Variants in CDK14 observed in about 807,000 individuals in gnomAD.
CDK14 encodes the protein cyclin-dependent kinase 14.
CDK14 carries 34 observed loss-of-function variants against 60.7 expected under a neutral mutation model. The ratio of observed to expected loss-of-function variants is 0.56; its 90% CI spans 0.43 to 0.75. The LOEUF (loss-of-function observed/expected upper bound fraction) is 0.75. Ranked by LOEUF, CDK14 falls within the 30% of genes least tolerant of loss-of-function variation. CDK14 has a pLI of 0.00. For missense variants in CDK14, 482 were observed against 564.1 expected, an observed-to-expected ratio of 0.85 and a Z score of 1.47; for synonymous variants, 197 against 203.7, an observed-to-expected ratio of 0.97 and a Z score of 0.28.
chr7:90,981,008 A>G (rs900222008), intron 9 of CDK14, among the ~76,000 whole-genome samples: 1 of 152,178 alleles, frequency 6.6e-6, no homozygotes, highest in Non-Finnish European at 1.5e-5. Context: ...GCTTCTGCTG[A>G]GGCTCTTCAC....
chr7:90,711,901 T>C (rs1802077167), intron 2 of CDK14, among the ~76,000 whole-genome samples: 1 of 149,032 alleles, frequency 6.7e-6, no homozygotes, highest in Non-Finnish European at 1.5e-5. Flanking sequence ...TTTTTTTTTT[T>C]CAATTGAGCC....
intron 2 of CDK14, among the ~76,000 whole-genome samples, chr7:90,639,070 G>T (rs1800244154): frequency 6.6e-6 from 1 of 152,076 alleles, no homozygotes; most frequent in Non-Finnish European, 1.5e-5. Context: ...TTTGCCTTTG[G>T]TTTGAATTTC....
intron 14 of CDK14, among the ~76,000 whole-genome samples, chr7:91,156,240 G>T (rs932215449): frequency 2.0e-5 from 3 of 152,036 alleles, no homozygotes; most frequent in Admixed American, 1.3e-4. Flanking sequence ...TTTCCCTATA[G>T]ACCTGGTCTA....
rs1799717845 is a variant in CDK14, at chr7:90,619,283, A to C, written c.123+15034A>C. Among the ~76,000 whole-genome samples the C allele has an allele frequency of 2.0e-5, 3 of 152,218 alleles. No individual in the cohort carries two copies. In the South Asian group the frequency reaches 6.2e-4, roughly 31 times the overall value. ...CAATATTGATTGAATGATATTTAAC[A>C]TCTCTAGTGCTTTTAAGCCCATTTC... On this transcript the variant is annotated intron_variant, in intron 2 of 14. Coordinates refer to ENST00000380050, the MANE Select transcript of CDK14 (RefSeq NM_001287135.2).
intron 14 of CDK14, among the ~76,000 whole-genome samples, chr7:91,201,947 G>A (rs192822490): frequency 1.5e-4 from 23 of 152,250 alleles, no homozygotes; most frequent in African/African-American, 4.6e-4. Context: ...GGGTGCCTGC[G>A]CAGGCAGTAC....
intron 2 of CDK14, among the ~76,000 whole-genome samples, chr7:90,639,933 A>G (rs1447660861): frequency 6.6e-6 from 1 of 152,008 alleles, no homozygotes; most frequent in Non-Finnish European, 1.5e-5. Context: ...CAGGTGCGGG[A>G]TATAGTCTCC....
chr7:90,614,961 C>T (rs759004094), intron 2 of CDK14, among the ~76,000 whole-genome samples: 10 of 151,884 alleles, frequency 6.6e-5, no homozygotes, highest in Non-Finnish European at 1.0e-4. Flanking sequence ...CAGGTATTAG[C>T]AAAAAATTAT....
chr7:90,657,939 T>G (rs1800784349), intron 2 of CDK14, among the ~76,000 whole-genome samples: 1 of 152,222 alleles, frequency 6.6e-6, no homozygotes, highest in African/African-American at 2.4e-5. Flanking sequence ...TCTTTGCTCC[T>G]TCTGTTTTGC....
chr7:90,664,868 A>C (rs1800942310), intron 2 of CDK14, among the ~76,000 whole-genome samples: 1 of 152,148 alleles, frequency 6.6e-6, no homozygotes, highest in South Asian at 2.1e-4. Flanking sequence ...GCAGCACACC[A>C]ACATGGCACG....
chr7:91,199,646 T>C (rs180827175), intron 14 of CDK14, among the ~76,000 whole-genome samples: 23 of 152,226 alleles, frequency 1.5e-4, no homozygotes, highest in Admixed American at 1.2e-3. Context: ...GTTAAGTCAG[T>C]CTTCTCATGT....
chr7:91,159,162 A>G (rs1198434189), intron 14 of CDK14, among the ~76,000 whole-genome samples: 19 of 152,248 alleles, frequency 1.2e-4, no homozygotes, highest in Non-Finnish European at 1.5e-5. Context: ...AACAGAGAAC[A>G]TGCTGGCTTG....
intron 8 of CDK14, among the ~76,000 whole-genome samples, chr7:90,944,010 C>A (rs113224661): frequency 3.2e-4 from 48 of 152,258 alleles, no homozygotes; most frequent in African/African-American, 1.1e-3. Context: ...TCTCAGGGAA[C>A]TGGAATAGTT....
At chr7:91,138,224 A>G (rs564101713) in intron 14 of CDK14, among the ~76,000 whole-genome samples, 1 of 152,216 alleles carries the variant, frequency 6.6e-6, no homozygotes, top group Non-Finnish European at 1.5e-5. Context: ...ATTCTGTATG[A>G]AGGCTTTATC....
chr7:90,636,877 C>G (rs932747126), intron 2 of CDK14, among the ~76,000 whole-genome samples: 1 of 151,720 alleles, frequency 6.6e-6, no homozygotes, highest in Non-Finnish European at 1.5e-5. Context: ...GTGTATGTGT[C>G]GAGGAATTTA....
intron 6 of CDK14, among the ~76,000 whole-genome samples, chr7:90,865,984 A>G (rs1175359682): frequency 2.0e-5 from 3 of 152,148 alleles, no homozygotes; most frequent in African/African-American, 4.8e-5. Flanking sequence ...AGAGGAAAAG[A>G]AAACTTTCTT....
At chr7:90,605,792 TATG>T (rs1365194537) in intron 2 of CDK14, among the ~76,000 whole-genome samples, 4 of 152,254 alleles carry the variant, frequency 2.6e-5, no homozygotes, top group East Asian at 3.8e-4. Context: ...TTTTCTTTGA[TATG>T]ATAACATTAT....
At chr7:91,103,493 A>G (rs1799200198) in intron 12 of CDK14, among the ~76,000 whole-genome samples, 1 of 152,124 alleles carries the variant, frequency 6.6e-6, no homozygotes, top group Non-Finnish European at 1.5e-5. Context: ...TTCAAGGTTG[A>G]GTGGAGAGAA....
chr7:91,151,908 G>A (rs1202024830), intron 14 of CDK14, among the ~76,000 whole-genome samples: 1 of 152,178 alleles, frequency 6.6e-6, no homozygotes, highest in Admixed American at 6.6e-5. Flanking sequence ...TAAAGCAATG[G>A]AAATTAAGGC....
chr7:91,180,379 C>T (rs548340812), intron 14 of CDK14, among the ~76,000 whole-genome samples: 24 of 152,236 alleles, frequency 1.6e-4, no homozygotes, highest in Admixed American at 1.4e-3. Flanking sequence ...AATGATCATG[C>T]TTAAATATGC....
Sources: allele counts gnomAD v4.1 joint callset (sites outside exome capture counted in the v4.1 genomes callset), GRCh38; gene constraint gnomAD v4.1.1; transcripts MANE v1.5; gene names NCBI Gene and HGNC (gene_info 2026-07-23, HGNC 2026-07-21).